NEGR1: variants seen among roughly 807,000 people sequenced by gnomAD.
NEGR1 encodes neuronal growth regulator 1, also known as IgLON family member 4.
A neutral mutation model predicts 40.9 loss-of-function variants in NEGR1; 10 were observed. The ratio of observed to expected loss-of-function variants is 0.24; its 90% confidence interval spans 0.15 to 0.42. NEGR1 has a LOEUF of 0.42. NEGR1 is among the 10% of genes least tolerant of loss of function. NEGR1 has a pLI of 1.00. For synonymous variants in NEGR1, 185 were observed against 166.8 expected, an observed-to-expected ratio of 1.11 and a Z score of -0.84; for missense variants, 352 against 438.9, an observed-to-expected ratio of 0.80 and a Z score of 1.77.
chr1:71,537,560 C>A (rs1303620744), intron 6 of NEGR1, among the ~76,000 whole-genome samples: 4 of 151,668 alleles, frequency 2.6e-5, no homozygotes, highest in Admixed American at 6.6e-5. Flanking sequence ...AGAGTTTACA[C>A]ACAATTTTCC....
chr1:71,858,400 G>A (rs1659846372), intron 2 of NEGR1, among the ~76,000 whole-genome samples: 1 of 152,070 alleles, frequency 6.6e-6, no homozygotes, highest in African/African-American at 2.4e-5. Flanking sequence ...ATGCATTTGT[G>A]TAGCCGTCTC....
rs1038055570 is a variant in NEGR1, at chr1:71,397,320, T to G, written c.*10126A>C. The G allele has an allele frequency of 6.5e-6, 1 of 154,286 alleles. No homozygotes were observed. The highest frequency in any genetic ancestry group is 1.4e-5 in the Non-Finnish European group (1 of 69,860). The allele number at this position is 154,286 out of a possible 1,614,324, so 9.6% of individuals were successfully genotyped here. The stretch of plus-strand genomic sequence containing the variant: ...TGGGTGTTGTTAAAGGCATTCAGTG[T>G]TCTGTTCTGTTTTGTTTTGTTTTTG... On this transcript the variant is annotated 3_prime_UTR_variant, in exon 7 of 7. Coordinates refer to ENST00000357731, the MANE Select transcript of NEGR1 (RefSeq NM_173808.3).
intron 1 of NEGR1, among the ~76,000 whole-genome samples, chr1:72,281,324 G>C (rs910206257): frequency 6.6e-6 from 1 of 152,224 alleles, no homozygotes; most frequent in African/African-American, 2.4e-5. Context: ...CAGAGAAGGA[G>C]AGTATGCCTT....
At chr1:71,967,234 A>G (rs780702049) in intron 1 of NEGR1, among the ~76,000 whole-genome samples, 3 of 152,226 alleles carry the variant, frequency 2.0e-5, no homozygotes, top group Non-Finnish European at 4.4e-5. Flanking sequence ...TACTTGCAAA[A>G]TTCAAATAAA....
At chr1:71,781,406 G>T (rs1656710451) in intron 2 of NEGR1, among the ~76,000 whole-genome samples, 1 of 152,140 alleles carries the variant, frequency 6.6e-6, no homozygotes, top group Admixed American at 6.6e-5. Context: ...TATTTTAACT[G>T]TAAATAAAAG....
At chr1:71,729,777 G>A (rs1654792549) in intron 3 of NEGR1, among the ~76,000 whole-genome samples, 2 of 151,572 alleles carry the variant, frequency 1.3e-5, no homozygotes, top group East Asian at 1.9e-4. Context: ...TGGGACCATA[G>A]GTGCATGCCA....
At chr1:71,448,874 A>G (rs1276074799) in intron 6 of NEGR1, among the ~76,000 whole-genome samples, 1 of 152,216 alleles carries the variant, frequency 6.6e-6, no homozygotes, top group Non-Finnish European at 1.5e-5. Flanking sequence ...ACTGCACGAT[A>G]AAGGGGCATA....
intron 6 of NEGR1, among the ~76,000 whole-genome samples, chr1:71,504,113 T>A (rs1231230364): frequency 6.8e-6 from 1 of 147,540 alleles, no homozygotes; most frequent in Non-Finnish European, 1.5e-5. Context: ...GATAAAAAAA[T>A]AAAATAAAAT....
chr1:71,523,209 AG>A (rs1312455166), intron 6 of NEGR1, among the ~76,000 whole-genome samples: 1 of 151,842 alleles, frequency 6.6e-6, no homozygotes, highest in Non-Finnish European at 1.5e-5. Flanking sequence ...GGAGCCAATG[AG>A]CAGGTAAGTT....
intron 6 of NEGR1, among the ~76,000 whole-genome samples, chr1:71,465,133 G>A (rs1216393370): frequency 1.3e-5 from 2 of 152,070 alleles, no homozygotes; most frequent in Admixed American, 6.6e-5. Flanking sequence ...ACCTTCTGCA[G>A]TGTTAATAGA....
chr1:71,956,457 C>T (rs1438873154), intron 1 of NEGR1, among the ~76,000 whole-genome samples: 2 of 152,012 alleles, frequency 1.3e-5, no homozygotes, highest in Non-Finnish European at 2.9e-5. Flanking sequence ...CATTTAAGTA[C>T]ATTTATTGCA....
At chr1:71,693,465 G>A (rs1007826826) in intron 4 of NEGR1, among the ~76,000 whole-genome samples, 1 of 151,564 alleles carries the variant, frequency 6.6e-6, no homozygotes, top group African/African-American at 2.4e-5. Context: ...GTGTACAAAG[G>A]ACAGCAAAAT....
At chr1:71,499,332 G>C (rs1375371977) in intron 6 of NEGR1, among the ~76,000 whole-genome samples, 4 of 151,450 alleles carry the variant, frequency 2.6e-5, no homozygotes, top group Non-Finnish European at 4.4e-5. Context: ...GATCTTGGCA[G>C]TTTACAATCA....
intron 3 of NEGR1, among the ~76,000 whole-genome samples, chr1:71,761,245 T>C (rs953486117): frequency 3.9e-5 from 6 of 152,188 alleles, no homozygotes; most frequent in African/African-American, 9.6e-5. Flanking sequence ...ATAGTCTCTG[T>C]TGCAACTATT....
At chr1:72,063,039 G>A (rs1046375714) in intron 1 of NEGR1, among the ~76,000 whole-genome samples, 2 of 151,820 alleles carry the variant, frequency 1.3e-5, no homozygotes, top group African/African-American at 4.8e-5. Flanking sequence ...TTTTAAAGAA[G>A]CGTTGATTTT....
intron 1 of NEGR1, among the ~76,000 whole-genome samples, chr1:71,966,443 G>A (rs1481449159): frequency 1.3e-5 from 2 of 152,054 alleles, no homozygotes; most frequent in Non-Finnish European, 2.9e-5. Context: ...CAACCACACC[G>A]GATAGAGTTA....
At chr1:71,992,969 T>C (rs1444234343) in intron 1 of NEGR1, among the ~76,000 whole-genome samples, 1 of 152,204 alleles carries the variant, frequency 6.6e-6, no homozygotes, top group South Asian at 2.1e-4. Flanking sequence ...CCTATTATCA[T>C]GCTACATAGT....
intron 6 of NEGR1, among the ~76,000 whole-genome samples, chr1:71,431,912 A>C (rs1350984906): frequency 6.6e-6 from 1 of 152,150 alleles, no homozygotes; most frequent in African/African-American, 2.4e-5. Context: ...GATTAGGGGA[A>C]ACTGAAATTG....
At chr1:72,192,236 G>GT in intron 1 of NEGR1, among the ~76,000 whole-genome samples, 1 of 151,918 alleles carries the variant, frequency 6.6e-6, no homozygotes, top group Non-Finnish European at 1.5e-5. Context: ...GCGACAAGAT[G>GT]TATTAGCCAT....
Sources: allele counts gnomAD v4.1 joint callset (sites outside exome capture counted in the v4.1 genomes callset), GRCh38; gene constraint gnomAD v4.1.1; transcripts MANE v1.5; gene names NCBI Gene and HGNC (gene_info 2026-07-23, HGNC 2026-07-21).